Variants in TRIM33 observed in about 807,000 individuals in gnomAD.
TRIM33 encodes E3 ubiquitin-protein ligase TRIM33.
A neutral mutation model predicts 125.4 loss-of-function variants in TRIM33; 20 were observed. The observed-to-expected ratio is 0.16, with a 90% CI of 0.11 to 0.23. TRIM33 has a LOEUF of 0.23. Ranked by LOEUF, TRIM33 falls within the 10% of genes least tolerant of loss-of-function variation. The probability of loss-of-function intolerance (pLI) is 1.00; values close to 1 mark genes in which losing one functional copy is unlikely to be tolerated. For synonymous variants in TRIM33, 564 were observed against 513.9 expected, an observed-to-expected ratio of 1.10 and a Z score of -1.32; for missense variants, 920 against 1,411.4, an observed-to-expected ratio of 0.65 and a Z score of 5.58.
chr1:114,457,678 T>C (rs1572077484), intron 4 of TRIM33, among the ~76,000 whole-genome samples: 1 of 152,336 alleles, frequency 6.6e-6, no homozygotes, highest in Non-Finnish European at 1.5e-5. Context: ...CTGCTGATCC[T>C]GTGATCGGAT....
chr1:114,483,793 AAACATATTTCAAG>A (rs1163027920), intron 1 of TRIM33, among the ~76,000 whole-genome samples: 3 of 152,112 alleles, frequency 2.0e-5, no homozygotes, highest in African/African-American at 7.2e-5. Flanking sequence ...AGAGAAGAAA[AAACATATTTCAAG>A]AGGCCAATAT....
intron 1 of TRIM33, among the ~76,000 whole-genome samples, chr1:114,501,736 G>A (rs1024489219): frequency 7.2e-5 from 11 of 152,052 alleles, no homozygotes; most frequent in African/African-American, 2.2e-4. Flanking sequence ...AAGAATTCTT[G>A]TAAATCAAAA....
At chr1:114,510,401 A>G (rs1468650104) in intron 1 of TRIM33, 150 bp downstream of exon 1, 1 of 658,692 alleles carries the variant, frequency 1.5e-6, no homozygotes, top group Non-Finnish European at 2.3e-6. Flanking sequence ...CTTCTCTGGA[A>G]AGTGTCCCAG....
chr1:114,398,912 A>AC lies in TRIM33; in HGVS notation c.3120+544_3120+545insG, dbSNP rs1198614780. Reference sequence around the variant, plus strand: ...AAACTTACCCTCAAAAAAAAAAAAAAAAACAAAACAAAACAAAACAAAAAA... The same window carrying AC: ...AAACTTACCCTCAAAAAAAAAAAAAACAAACAAAACAAAACAAAACAAAAAA... On this transcript the variant is annotated intron_variant, in intron 18 of 19. Transcript: ENST00000358465. Among the ~76,000 whole-genome samples the AC allele has an allele frequency of 7.5e-3, 1,104 of 148,018 alleles. 19 individuals carry two copies. The highest frequency in any genetic ancestry group is 0.026 in the African/African-American group (1,031 of 39,826).
intron 4 of TRIM33, among the ~76,000 whole-genome samples, chr1:114,439,071 CA>C (rs1471795423): frequency 1.3e-5 from 2 of 152,180 alleles, no homozygotes; most frequent in African/African-American, 2.4e-5. Context: ...AATTAAATCT[CA>C]AAAATCACAG....
chr1:114,462,490 G>A (rs888347155), intron 4 of TRIM33, among the ~76,000 whole-genome samples: 17 of 152,106 alleles, frequency 1.1e-4, no homozygotes, highest in African/African-American at 4.1e-4. Context: ...CTTTTTACTT[G>A]TAATAAACAG....
intron 1 of TRIM33, among the ~76,000 whole-genome samples, chr1:114,500,161 T>C (rs1652626194): frequency 6.6e-6 from 1 of 152,184 alleles, no homozygotes; most frequent in Admixed American, 6.5e-5. Flanking sequence ...AGTGAGACTC[T>C]GTCTCAAAAT....
In TRIM33 at chr1:114,510,998, C is replaced by T; in HGVS notation, c.79G>A (p.Ala27Thr). The T allele has an allele frequency of 7.5e-6, 10 of 1,328,640 alleles. No individual in the cohort carries two copies. The highest frequency in any genetic ancestry group is 1.9e-5 in the South Asian group (1 of 52,230). 82.3% of individuals were successfully genotyped at this position (1,328,640 alleles called of 1,614,324 possible). The change falls in exon 1 of 20, where the codon GCC becomes ACC. Residue 27 changes from alanine (A) to threonine (T), a missense_variant. By Grantham distance (58) the Ala-to-Thr change is moderately conservative (BLOSUM62 0). Transcript: ENST00000358465. ...SGSAPVTAGAAGPAAQEAEPP... is the reference protein window; with the variant it reads ...SGSAPVTAGATGPAAQEAEPP... ...TCCGCCTCCTGCGCGGCGGGCCCGG[C>T]GGCCCCGGCAGTTACCGGCGCGCTG...
At position 114,463,570 on chromosome 1, in the gene TRIM33, T is replaced by C; in HGVS notation, c.646-14A>G. ...ACTAGTACATACCTAAAAGAAGAAATAAGCACTAATCTAAATTAAATACAT... is the reference window on the plus strand; with the variant it reads ...ACTAGTACATACCTAAAAGAAGAAACAAGCACTAATCTAAATTAAATACAT... On this transcript the variant is annotated splice_polypyrimidine_tract_variant and intron_variant, in intron 2 of 19. Transcript: ENST00000358465. 1 of 1,525,238 alleles carries C rather than the reference T, an allele frequency of 6.6e-7. No individual in the cohort carries two copies. The highest frequency in any genetic ancestry group is 1.4e-5 in the African/African-American group (1 of 70,798). 94.5% of individuals were successfully genotyped at this position (1,525,238 alleles called of 1,614,324 possible). A position where few individuals can be genotyped will look rare whatever the true frequency, so the allele number is the denominator to read the frequency against.
Position 114,430,828 on chromosome 1 carries a change from C to T in TRIM33, c.1125G>A (p.Lys375=). The T allele has an allele frequency of 6.2e-7, 1 of 1,606,228 alleles. No homozygotes were observed. Among genetic ancestry groups the T allele is most frequent in the Non-Finnish European group, 8.5e-7 (1 of 1,173,186 alleles). ...GCTGTTGTAAGAGAGATTTTCCTTTCTTATTAATTTCATTGATAAGGGTGA... is the reference window on the plus strand; with the variant it reads ...GCTGTTGTAAGAGAGATTTTCCTTTTTTATTAATTTCATTGATAAGGGTGA... ...AIFTLINEIN[K]KGKSLLQQLE... is the part of the protein sequence containing the mutation. Residue 375 remains lysine, a synonymous_variant, in exon 6 of 20, where the codon AAG becomes AAA. Transcript: ENST00000358465.
At position 114,510,661 on chromosome 1, in the gene TRIM33, T is replaced by C. The variant is rs778689322; in HGVS notation, c.416A>G (p.Glu139Gly). 2 of 1,557,566 alleles carry C rather than the reference T, an allele frequency of 1.3e-6. No individual in the cohort carries two copies. Among genetic ancestry groups the C allele is most frequent in the Non-Finnish European group, 1.7e-6 (2 of 1,158,248 alleles). Residue 139 changes from glutamate to glycine, a missense_variant, in exon 1 of 20, where the codon GAG becomes GGG. Glu to Gly is a moderately conservative substitution (Grantham distance 98, BLOSUM62 -2). This residue lies in a region of TRIM33 where 75 missense variants were observed against 123.9 expected (regional missense o/e 0.61). Transcript: ENST00000358465. The stretch of plus-strand genomic sequence containing the variant: ...GTGAAGACAGGGCAGCAGCTTGGGC[T>C]CCGCCTCACGCCGGCTCTGCAAGCT... ...QQSLQSRREA[E>G]PKLLPCLHSF...
intron 3 of TRIM33, 62 bp from the exon 4 acceptor site, chr1:114,463,298 A>G: frequency 3.2e-6 from 5 of 1,557,948 alleles, no homozygotes; most frequent in Non-Finnish European, 4.3e-6. Flanking sequence ...AGTTTTCTAA[A>G]TTCCTATTGA....
intron 1 of TRIM33, among the ~76,000 whole-genome samples, chr1:114,500,240 C>G (rs1652631247): frequency 6.6e-6 from 1 of 152,176 alleles, no homozygotes; most frequent in Admixed American, 6.5e-5. Flanking sequence ...TAGGCAGACA[C>G]AATAAAGACA....
At position 114,427,243 on chromosome 1, in the gene TRIM33, C is replaced by T; in HGVS notation, c.1354G>A (p.Ala452Thr). The T allele has an allele frequency of 5.0e-6, 8 of 1,607,620 alleles. No homozygotes were observed. Among genetic ancestry groups the T allele is most frequent in the Non-Finnish European group, 6.8e-6 (8 of 1,175,920 alleles). ...ILKARCDPVPAANGAIRFHCD... is the reference protein window; with the variant it reads ...ILKARCDPVPTANGAIRFHCD... ...TGGAAACGTATTGCTCCATTAGCAG[C>T]AGGGACAGGATCACACCGTGCTTTC... Residue 452 changes from alanine (A) to threonine (T), a missense_variant, in exon 8 of 20, where the codon GCT becomes ACT. Around this residue, in one of 8 missense-constraint regions of TRIM33, gnomAD observed 407 missense variants for 589.7 expected, o/e 0.69. Transcript: ENST00000358465.
chr1:114,408,056 A>G (rs148871801), intron 13 of TRIM33, among the ~76,000 whole-genome samples: 2 of 152,246 alleles, frequency 1.3e-5, no homozygotes, highest in East Asian at 1.9e-4. Flanking sequence ...CCACCACTAC[A>G]CTACCAAGTC....
chr1:114,489,964 G>A (rs905028811), intron 1 of TRIM33, among the ~76,000 whole-genome samples: 8 of 150,890 alleles, frequency 5.3e-5, no homozygotes, highest in East Asian at 2.0e-4. Context: ...GGTGCAGCAC[G>A]TCAGGGCTGG....
chr1:114,449,339 T>A (rs747718955), intron 4 of TRIM33, among the ~76,000 whole-genome samples: 1 of 152,130 alleles, frequency 6.6e-6, no homozygotes, highest in Non-Finnish European at 1.5e-5. Context: ...TCTGATGACA[T>A]GCCAACAATT....
chr1:114,480,620 T>C (rs906999276), intron 1 of TRIM33, among the ~76,000 whole-genome samples: 2 of 141,900 alleles, frequency 1.4e-5, no homozygotes, highest in Non-Finnish European at 1.5e-5. Flanking sequence ...TTGGTAAACA[T>C]AGAAGTCTCA....
intron 1 of TRIM33, among the ~76,000 whole-genome samples, chr1:114,470,799 T>A (rs1445707372): frequency 6.6e-6 from 1 of 151,994 alleles, no homozygotes; most frequent in Non-Finnish European, 1.5e-5. Context: ...AAAGGAAAAG[T>A]TTTGTGTTTT....
Sources: gnomAD v4.1 joint callset for allele counts (sites outside exome capture counted in the v4.1 genomes callset) on GRCh38, gnomAD v4.1.1 for gene constraint, gnomAD v4.1.1 regional missense constraint, MANE v1.5 for transcripts, NCBI Gene and HGNC (gene_info 2026-07-23, HGNC 2026-07-21) for gene names.